The following ACADL variants were observed in gnomAD, a reference collection of about 807,000 sequenced individuals.
ACADL encodes the protein long-chain specific acyl-CoA dehydrogenase, mitochondrial.
A neutral mutation model predicts 56.9 loss-of-function variants in ACADL; 60 were observed. That is an observed-to-expected ratio of 1.05 (90% CI 0.86 to 1.31). The LOEUF (loss-of-function observed/expected upper bound fraction) is 1.31. ACADL is among the 50% of genes most tolerant of loss of function. The pLI is 0.00. For missense variants in ACADL, 484 were observed against 525.5 expected (o/e 0.92, Z 0.77); for synonymous variants, 158 against 179.7 (o/e 0.88, Z 0.97).
chr2:210,188,055 A>G lies in ACADL; in HGVS notation c.*906T>C, dbSNP rs1688574839. 6.6e-6 allele frequency: 1 copy of G among 152,096 alleles called. No individual in the cohort carries two copies. The highest frequency in any genetic ancestry group is 1.5e-5 in the Non-Finnish European group (1 of 68,012). 9.4% of individuals were successfully genotyped at this position (152,096 alleles called of 1,614,324 possible). ...TTATGCTTGAAATTATCTCTTTTAC[A>G]TATTTACTTCTTACCTTATTTTACT... On this transcript the variant is annotated 3_prime_UTR_variant, in exon 11 of 11. Transcript: ENST00000233710.
Position 210,225,187 on chromosome 2 carries a change from C to G in ACADL, c.77G>C (p.Arg26Pro), listed in dbSNP as rs767391174. 3 of 1,532,776 alleles carry G rather than the reference C, an allele frequency of 2.0e-6. No individual in the cohort carries two copies. Among genetic ancestry groups the G allele is most frequent in the Non-Finnish European group, 2.6e-6 (3 of 1,145,168 alleles). 94.9% of individuals were successfully genotyped at this position (1,532,776 alleles called of 1,614,324 possible). A position where few individuals can be genotyped will look rare whatever the true frequency, so the allele number is the denominator to read the frequency against. The part of the protein sequence containing the change: ...HRAPRQLPAA[R>P]CSHSGGEERL... ...CGCGGAAGTCCCGGCTGGCACTCAC[C>G]GCGCGGCGGGCAGCTGGCGCGGCGC... Residue 26 changes from arginine (R) to proline (P), a missense_variant and splice_region_variant, in exon 1 of 11, where the codon CGA becomes CCA. Physicochemically the swap from Arg to Pro is moderately radical, Grantham distance 103. Transcript: ENST00000233710.
Position 210,218,074 on chromosome 2 carries a change from C to T in ACADL, c.262G>A (p.Glu88Lys). Residue 88 changes from glutamate (E) to lysine (K), a missense_variant, in exon 3 of 11, where the codon GAG (glutamate) becomes AAG (lysine). By Grantham distance (56) the Glu-to-Lys change is moderately conservative. Transcript: ENST00000233710. ...EWEKAGEVSR[E>K]VWEKAGKQGL... ...TGTTTTCCAGCTTTTTCCCAAACCT[C>T]CCTACTTACTTCTCCAGCTTTCTCC... The T allele has an allele frequency of 6.2e-7, 1 of 1,613,796 alleles. No homozygotes were observed. Among genetic ancestry groups the T allele is most frequent in the African/African-American group, 1.3e-5 (1 of 74,974 alleles).
At position 210,188,815 on chromosome 2, in the gene ACADL, T is replaced by A; in HGVS notation, c.*146A>T. The A allele has an allele frequency of 1.5e-6, 1 of 667,710 alleles. No individual in the cohort carries two copies. The highest frequency in any genetic ancestry group is 2.7e-6 in the Non-Finnish European group (1 of 372,116). 41.4% of individuals were successfully genotyped at this position (667,710 alleles called of 1,614,324 possible). ...AAGATTTGTCCTTCCACTGTGTTAA[T>A]CTTATATTTATATTTTATTTCCTTC... On this transcript the variant is annotated 3_prime_UTR_variant, in exon 11 of 11. Transcript: ENST00000233710.
chr2:210,225,281 G>A lies in ACADL; in HGVS notation c.-18C>T. The A allele has an allele frequency of 5.2e-6, 8 of 1,549,014 alleles. No homozygotes were observed. The South Asian group carries it at 8.3e-5, about 16-fold the overall frequency. On this transcript the variant is annotated 5_prime_UTR_variant, in exon 1 of 11. Transcript: ENST00000233710. The stretch of plus-strand genomic sequence containing the variant: ...GCGGCCATGTCCGAAACACAGGGGC[G>A]GCGGGGCGACGGAGGCGACTCTGCG...
chr2:210,188,945 G>A lies in ACADL; in HGVS notation c.*16C>T. ...CGAGATTAGCTGTAATAGGACTCCA[G>A]GATGTGGGCAGATGTCTACTTGTCA... On this transcript the variant is annotated 3_prime_UTR_variant, in exon 11 of 11. Coordinates refer to ENST00000233710, the MANE Select transcript of ACADL (RefSeq NM_001608.4). 6.3e-7 allele frequency: 1 copy of A among 1,581,390 alleles called. No individual in the cohort carries two copies. The highest frequency in any genetic ancestry group is 8.7e-7 in the Non-Finnish European group (1 of 1,150,432).
chr2:210,218,835 C>T (rs1022643084), intron 2 of ACADL, among the ~76,000 whole-genome samples: 3 of 152,118 alleles, frequency 2.0e-5, no homozygotes, highest in Non-Finnish European at 4.4e-5. Context: ...AGTAGGGAAC[C>T]TCATTACAGT....
chr2:210,216,728 C>G, intron 3 of ACADL: 1 of 505,306 alleles, frequency 2.0e-6, no homozygotes, highest in South Asian at 2.1e-5. Context: ...TCAATGAACA[C>G]TTATTTAATT....
chr2:210,206,687 T>G (rs1688893174), intron 5 of ACADL, among the ~76,000 whole-genome samples: 1 of 152,168 alleles, frequency 6.6e-6, no homozygotes, highest in African/African-American at 2.4e-5. Context: ...ATATTAATAA[T>G]TATCTTCTCA....
chr2:210,191,227 G>C (rs944442140), intron 10 of ACADL, among the ~76,000 whole-genome samples: 2 of 151,966 alleles, frequency 1.3e-5, no homozygotes, highest in Non-Finnish European at 2.9e-5. Context: ...TGGCTTTTTT[G>C]ATATTAGGCG....
In ACADL at chr2:210,192,855, C is replaced by T. The variant is rs1575670488; in HGVS notation, c.1148G>A (p.Cys383Tyr). 6.2e-7 allele frequency: 1 copy of T among 1,613,854 alleles called. No individual in the cohort carries two copies. The highest frequency in any genetic ancestry group is 1.1e-5 in the South Asian group (1 of 91,082). Residue 383 changes from cysteine (C) to tyrosine (Y), a missense_variant, in exon 10 of 11, where the codon TGT becomes TAT. Physicochemically the swap from Cys to Tyr is radical, Grantham distance 194. Coordinates refer to ENST00000233710, the MANE Select transcript of ACADL (RefSeq NM_001608.4). Reference sequence around the variant, plus strand: ...TCCCCAACCTCCATGGAGCTGTACACAGTCGTAAGCTACACTATTTTGTAA... The same window carrying T: ...TCCCCAACCTCCATGGAGCTGTACATAGTCGTAAGCTACACTATTTTGTAA... Reference protein sequence around the residue: ...SELQNSVAYDCVQLHGGWGYM... With the variant: ...SELQNSVAYDYVQLHGGWGYM...
At chr2:210,204,750 G>T in intron 6 of ACADL, 68 bp from the exon 7 acceptor site, 1 of 1,246,968 alleles carries the variant, frequency 8.0e-7, no homozygotes, top group Non-Finnish European at 1.2e-6. Flanking sequence ...AGTGAATATT[G>T]AAGTGAATAT....
intron 3 of ACADL, 150 bp from the exon 4 acceptor site, chr2:210,216,661 GT>G (rs1032594830): frequency 2.0e-5 from 15 of 752,430 alleles, no homozygotes; most frequent in Admixed American, 2.8e-5. Context: ...TTCTCTTTTT[GT>G]TTTTACTAAT....
chr2:210,217,591 A>G (rs984131500), intron 3 of ACADL: 1 of 163,506 alleles, frequency 6.1e-6, no homozygotes, highest in African/African-American at 2.4e-5. Flanking sequence ...CCATTTTTCA[A>G]CTGCAATCTT....
chr2:210,196,810 T>C (rs1189169737), intron 8 of ACADL, among the ~76,000 whole-genome samples: 2 of 152,134 alleles, frequency 1.3e-5, no homozygotes, highest in Non-Finnish European at 2.9e-5. Context: ...AGCATATACA[T>C]GGAAAGTTAC....
Position 210,188,745 on chromosome 2 carries a change from A to T in ACADL, c.*216T>A. 2.1e-6 allele frequency: 1 copy of T among 473,530 alleles called. No individual in the cohort carries two copies. Among genetic ancestry groups the T allele is most frequent in the Non-Finnish European group, 3.8e-6 (1 of 264,262 alleles). 29.3% of individuals were successfully genotyped at this position (473,530 alleles called of 1,614,324 possible). On this transcript the variant is annotated 3_prime_UTR_variant, in exon 11 of 11. Transcript: ENST00000233710. ...CCGTTTACCTTTGGCTACATAAAAA[A>T]CTGTAAGTTAAACCTTATATTGGAA...
At chr2:210,212,807 A>G (rs1186415665) in intron 4 of ACADL, among the ~76,000 whole-genome samples, 1 of 152,230 alleles carries the variant, frequency 6.6e-6, no homozygotes, top group Non-Finnish European at 1.5e-5. Flanking sequence ...CTCAATAAAC[A>G]TTTGTTAAAT....
chr2:210,212,699 C>G (rs1487132215), intron 4 of ACADL, among the ~76,000 whole-genome samples: 1 of 152,222 alleles, frequency 6.6e-6, no homozygotes, highest in African/African-American at 2.4e-5. Flanking sequence ...TTCCCACCTA[C>G]CACACTTATC....
At chr2:210,214,473 A>AAGAAAGAAAGAAAGAG (rs1243359286) in intron 4 of ACADL, among the ~76,000 whole-genome samples, 2 of 145,520 alleles carry the variant, frequency 1.4e-5, no homozygotes, top group Non-Finnish European at 3.0e-5. Context: ...CCAAAAAAGA[A>AAGAAAGAAAGAAAGAG]AGAAAGAAAG....
chr2:210,216,581 G>T, intron 3 of ACADL, 70 bp from the exon 4 acceptor site: 1 of 1,398,992 alleles, frequency 7.1e-7, no homozygotes, highest in Non-Finnish European at 9.9e-7. Context: ...TAACAACAAT[G>T]TATTAAGGTC....
Sources: allele counts gnomAD v4.1 joint callset (sites outside exome capture counted in the v4.1 genomes callset), GRCh38; gene constraint gnomAD v4.1.1; transcripts MANE v1.5; gene names NCBI Gene and HGNC (gene_info 2026-07-23, HGNC 2026-07-21).